The following RBFOX2 variants were observed in gnomAD, a reference collection of about 807,000 sequenced individuals.
The protein encoded by RBFOX2 is RNA binding protein fox-1 homolog 2.
Under a neutral mutation model 49.1 loss-of-function variants are expected in RBFOX2, and 10 were observed. The ratio of observed to expected loss-of-function variants is 0.20; its 90% CI spans 0.13 to 0.35. RBFOX2 has a LOEUF of 0.35. Ranked by LOEUF, RBFOX2 falls within the 10% of genes least tolerant of loss-of-function variation. The probability of loss-of-function intolerance (pLI) is 1.00; values close to 1 mark genes in which losing one functional copy is unlikely to be tolerated. For missense variants in RBFOX2, 323 were observed against 486.9 expected (o/e 0.66, Z 3.17); for synonymous variants, 183 against 187.4 (o/e 0.98, Z 0.19).
chr22:35,913,288 G>C lies in RBFOX2; in HGVS notation c.-34+25559C>G, dbSNP rs2050028112. The stretch of plus-strand genomic sequence containing the variant: ...AGCCCACGAGTTCAAGATCAGCCTG[G>C]GCAACATAGTGAGACTCTGTCTCTA... On this transcript the variant is annotated intron_variant, in intron 1 of 13. Coordinates refer to the RBFOX2 transcript ENST00000359369. 4.6e-5 allele frequency among the ~76,000 whole-genome samples: 7 copies of C among 151,994 alleles called. No homozygotes were observed. In the South Asian group the frequency reaches 1.5e-3, roughly 32 times the overall value.
chr22:35,757,815 T>A (rs937123341), intron 9 of RBFOX2, among the ~76,000 whole-genome samples: 1 of 152,150 alleles, frequency 6.6e-6, no homozygotes, highest in African/African-American at 2.4e-5. Context: ...AAACAACTTG[T>A]TCAAAATGAG....
At chr22:35,937,878 C>G (rs150466222) in intron 1 of RBFOX2, among the ~76,000 whole-genome samples, 1 of 152,248 alleles carries the variant, frequency 6.6e-6, no homozygotes, top group East Asian at 1.9e-4. Flanking sequence ...CATGAGCCAC[C>G]GCACCCAGCC....
chr22:36,007,476 A>G (rs1041934514), intron 1 of RBFOX2, among the ~76,000 whole-genome samples: 5 of 152,216 alleles, frequency 3.3e-5, no homozygotes, highest in Non-Finnish European at 5.9e-5. Flanking sequence ...TTTAAGGACC[A>G]TAAACCCTAT....
intron 1 of RBFOX2, among the ~76,000 whole-genome samples, chr22:35,944,801 C>T (rs565872609): frequency 3.9e-5 from 6 of 151,992 alleles, no homozygotes; most frequent in Non-Finnish European, 8.8e-5. Flanking sequence ...TCTGGCCAGC[C>T]GCGGCGGCTC....
chr22:35,807,863 G>T (rs1951057743), intron 2 of RBFOX2, among the ~76,000 whole-genome samples: 2 of 151,570 alleles, frequency 1.3e-5, no homozygotes, highest in Admixed American at 1.3e-4. Context: ...AAAGAGAGAA[G>T]ACACAAATTG....
intron 1 of RBFOX2, among the ~76,000 whole-genome samples, chr22:36,009,972 T>G (rs184899972): frequency 1.3e-5 from 2 of 152,246 alleles, no homozygotes; most frequent in East Asian, 3.9e-4. Context: ...CTTCTTCCGC[T>G]CCTGTGTGCC....
chr22:35,809,693 C>T (rs1951453014), intron 2 of RBFOX2, 87 bp downstream of exon 3: 12 of 1,400,734 alleles, frequency 8.6e-6, no homozygotes, highest in African/African-American at 1.4e-5. Context: ...AAATTAATTC[C>T]GAGAGTCTTC....
intron 1 of RBFOX2, among the ~76,000 whole-genome samples, chr22:35,948,162 T>G (rs996588321): frequency 6.6e-6 from 1 of 152,196 alleles, no homozygotes; most frequent in Non-Finnish European, 1.5e-5. Context: ...GCCTAAAGTA[T>G]TCAGTATAGT....
chr22:35,855,099 T>C (rs1000823078), intron 1 of RBFOX2, among the ~76,000 whole-genome samples: 1 of 152,192 alleles, frequency 6.6e-6, no homozygotes, highest in Non-Finnish European at 1.5e-5. Context: ...AAAATGAAAA[T>C]ATTTTCAACT....
chr22:35,968,139 TA>T (rs1362506727), intron 1 of RBFOX2, among the ~76,000 whole-genome samples: 1 of 152,146 alleles, frequency 6.6e-6, no homozygotes, highest in Non-Finnish European at 1.5e-5. Flanking sequence ...AAGCCAAACT[TA>T]AAAAAGAGTC....
At chr22:35,799,674 G>A (rs1569161793) in intron 2 of RBFOX2, among the ~76,000 whole-genome samples, 4 of 152,124 alleles carry the variant, frequency 2.6e-5, no homozygotes, top group Admixed American at 6.5e-5. Context: ...TCGGCTGGAT[G>A]TGGTGGCTCA....
chr22:36,006,231 T>C (rs1054893700), intron 1 of RBFOX2, among the ~76,000 whole-genome samples: 6 of 152,266 alleles, frequency 3.9e-5, no homozygotes, highest in African/African-American at 1.4e-4. Context: ...TTCCATGCTA[T>C]GAAGAGCAAA....
exon 1 of RBFOX2, chr22:35,938,882 G>C: frequency 6.2e-7 from 1 of 1,613,866 alleles, no homozygotes. Flanking sequence ...TGATAACCTG[G>C]AGTCAGAGGC....
At chr22:35,865,342 TA>T (rs951403505) in intron 1 of RBFOX2, among the ~76,000 whole-genome samples, 1 of 152,202 alleles carries the variant, frequency 6.6e-6, no homozygotes, top group African/African-American at 2.4e-5. Context: ...TTTTGTTTTA[TA>T]TTGAAAACAA....
intron 1 of RBFOX2, among the ~76,000 whole-genome samples, chr22:35,920,016 A>G (rs2050855865): frequency 6.6e-6 from 1 of 152,214 alleles, no homozygotes; most frequent in South Asian, 2.1e-4. Context: ...GTAAAACAAT[A>G]CATATACACA....
At chr22:35,880,464 G>C (rs907822913) in intron 1 of RBFOX2, among the ~76,000 whole-genome samples, 1 of 152,170 alleles carries the variant, frequency 6.6e-6, no homozygotes, top group Non-Finnish European at 1.5e-5. Context: ...TGAGCTTCTA[G>C]AGAGAGTTCT....
intron 1 of RBFOX2, among the ~76,000 whole-genome samples, chr22:35,839,632 C>A (rs1020812161): frequency 4.6e-5 from 7 of 152,216 alleles, no homozygotes; most frequent in African/African-American, 1.7e-4. Flanking sequence ...CCTGAATGCT[C>A]CTACTGAAAA....
At chr22:35,882,681 C>T (rs2046063711) in intron 1 of RBFOX2, among the ~76,000 whole-genome samples, 1 of 152,110 alleles carries the variant, frequency 6.6e-6, no homozygotes, top group South Asian at 2.1e-4. Flanking sequence ...GAAGGTTCAC[C>T]TTATATAGGA....
chr22:35,998,003 A>G (rs1000881157), intron 1 of RBFOX2: 21 of 152,152 alleles, frequency 1.4e-4, no homozygotes, highest in African/African-American at 5.1e-4. Context: ...CCCTGTCTCA[A>G]AAAAATAAAA....
Sources: allele counts gnomAD v4.1 joint callset (sites outside exome capture counted in the v4.1 genomes callset), GRCh38; gene constraint gnomAD v4.1.1; transcripts MANE v1.5; gene names NCBI Gene and HGNC (gene_info 2026-07-23, HGNC 2026-07-21).